Variants in SLC22A24 observed in about 807,000 individuals in gnomAD.
SLC22A24 encodes the protein steroid transmembrane transporter SLC22A24.
A neutral mutation model predicts 49.8 loss-of-function variants in SLC22A24; 53 were observed. That is an observed-to-expected ratio of 1.06 (90% confidence interval 0.85 to 1.34). The LOEUF (loss-of-function observed/expected upper bound fraction) is 1.34, where lower values mean the gene tolerates loss of function less well. SLC22A24 is among the 40% of genes most tolerant of loss of function. SLC22A24 has a pLI of 0.00. For synonymous variants in SLC22A24, 302 were observed against 256.4 expected (o/e 1.18, Z -1.70); for missense variants, 786 against 675.9 (o/e 1.16, Z -1.81).
chr11:63,139,913 GT>G (rs55703293), intron 1 of SLC22A24, among the ~76,000 whole-genome samples: 3,649 of 150,744 alleles, frequency 0.024, 131 homozygotes, highest in African/African-American at 0.082. Context: ...GTATTTATAT[GT>G]TTTTTTTTGT....
chr11:63,083,190 C>A lies in SLC22A24; in HGVS notation c.1285+53G>T, dbSNP rs2086969244. On this transcript the variant is annotated intron_variant, in intron 7 of 9. Coordinates refer to ENST00000612278, the MANE Select transcript of SLC22A24 (RefSeq NM_001136506.2). ...ACCAGGCATAAAAGACCAATGTAAT[C>A]CCTGGAGAATGGGGGTAACTACTTT... 8 of 1,418,992 alleles carry A rather than the reference C, an allele frequency of 5.6e-6. No homozygotes were observed. The South Asian group carries it at 8.7e-5, about 15-fold the overall frequency. 87.9% of individuals were successfully genotyped at this position (1,418,992 alleles called of 1,614,324 possible).
At chr11:63,101,922 G>T (rs117907648) in intron 5 of SLC22A24, among the ~76,000 whole-genome samples, 1 of 152,046 alleles carries the variant, frequency 6.6e-6, no homozygotes, top group Non-Finnish European at 1.5e-5. Flanking sequence ...AGAGTAGAAG[G>T]ATGGTTAGCA....
Position 63,083,260 on chromosome 11 carries a change from T to C in SLC22A24, c.1268A>G (p.Asn423Ser), listed in dbSNP as rs1190739210. The part of the protein sequence containing the change: ...TFPVGLFILV[N>S]TFLPQEMQIL... ...TCTCTCACCTTGGGGCAAAAAGGTG[T>C]TGACCAGAATGAAAAGTCCCACCGG... Residue 423 changes from asparagine to serine, a missense_variant, in exon 7 of 10, where the codon AAC becomes AGC. Transcript: ENST00000612278. The C allele has an allele frequency of 1.1e-5, 17 of 1,556,150 alleles. No homozygotes were observed. Among genetic ancestry groups the C allele is most frequent in the Non-Finnish European group, 1.4e-5 (16 of 1,149,098 alleles).
intron 2 of SLC22A24, among the ~76,000 whole-genome samples, chr11:63,126,170 C>A (rs899443182): frequency 1.8e-4 from 28 of 152,106 alleles, no homozygotes; most frequent in African/African-American, 6.8e-4. Context: ...TTAATTAGAT[C>A]CCATTTGTCT....
intron 6 of SLC22A24, among the ~76,000 whole-genome samples, chr11:63,086,066 A>G (rs2086985393): frequency 6.6e-6 from 1 of 152,196 alleles, no homozygotes. Flanking sequence ...GAGATAAGAG[A>G]ATGCTTATAC....
chr11:63,131,101 G>C (rs71532427), intron 2 of SLC22A24, among the ~76,000 whole-genome samples: 1 of 151,910 alleles, frequency 6.6e-6, no homozygotes, highest in Non-Finnish European at 1.5e-5. Context: ...TGCAACCCCT[G>C]CTTTTTTTTG....
chr11:63,091,980 C>A (rs2087023261), intron 6 of SLC22A24, among the ~76,000 whole-genome samples: 1 of 152,146 alleles, frequency 6.6e-6, no homozygotes, highest in Admixed American at 6.5e-5. Context: ...TTGCAGATGA[C>A]ATGATTGTAT....
intron 1 of SLC22A24, among the ~76,000 whole-genome samples, chr11:63,142,697 C>A (rs1214831119): frequency 6.6e-6 from 1 of 152,126 alleles, no homozygotes; most frequent in Non-Finnish European, 1.5e-5. Context: ...GCTGTCACCA[C>A]CCAGATCGAT....
intron 9 of SLC22A24, among the ~76,000 whole-genome samples, chr11:63,080,382 T>C (rs1178082689): frequency 6.6e-6 from 1 of 152,246 alleles, no homozygotes; most frequent in Admixed American, 6.5e-5. Context: ...TTTGCCTAAA[T>C]CTCAGAGGCA....
At chr11:63,134,590 A>G in intron 2 of SLC22A24, 75 bp downstream of exon 2, 1 of 864,138 alleles carries the variant, frequency 1.2e-6, no homozygotes, top group Non-Finnish European at 1.9e-6. Flanking sequence ...GTAAGAGCTC[A>G]GTAAATATTT....
intron 8 of SLC22A24, among the ~76,000 whole-genome samples, 153 bp downstream of exon 8, chr11:63,081,405 A>G (rs184592041): frequency 2.8e-4 from 42 of 152,364 alleles, no homozygotes; most frequent in Admixed American, 1.1e-3. Context: ...TAATTTGATA[A>G]TAATAGCACA....
chr11:63,117,677 T>C (rs1441812832), intron 4 of SLC22A24, among the ~76,000 whole-genome samples: 1 of 152,212 alleles, frequency 6.6e-6, no homozygotes, highest in Non-Finnish European at 1.5e-5. Flanking sequence ...ACATTTTCTC[T>C]TCCTTACGCT....
intron 6 of SLC22A24, among the ~76,000 whole-genome samples, chr11:63,089,933 T>C (rs986770063): frequency 1.3e-5 from 2 of 151,312 alleles, no homozygotes; most frequent in African/African-American, 4.9e-5. Flanking sequence ...TACAAAAAAT[T>C]AGCCAGGCGT....
intron 2 of SLC22A24, among the ~76,000 whole-genome samples, chr11:63,134,242 G>A (rs186176192): frequency 2.0e-5 from 3 of 152,180 alleles, no homozygotes; most frequent in Admixed American, 2.0e-4. Flanking sequence ...CTCTCACAGG[G>A]TCTAGGTGGT....
At chr11:63,110,857 T>C (rs910862660) in intron 4 of SLC22A24, among the ~76,000 whole-genome samples, 36 of 147,344 alleles carry the variant, frequency 2.4e-4, no homozygotes, top group African/African-American at 8.6e-4. Flanking sequence ...TCCTGCCTAA[T>C]TGCCCTGGCC....
rs771696906 is a variant in SLC22A24 at position 63,094,148 on chromosome 11, G to A, written c.1070+1843C>T. Reference sequence around the variant, plus strand: ...TAATGCTATCCCTCCCCCCTCCCCCGACCCCACAACAGTCCCCAGAGTGTG... The same window carrying A: ...TAATGCTATCCCTCCCCCCTCCCCCAACCCCACAACAGTCCCCAGAGTGTG... On this transcript the variant is annotated intron_variant, in intron 6 of 9. Coordinates refer to ENST00000612278, the MANE Select transcript of SLC22A24 (RefSeq NM_001136506.2). Among the ~76,000 whole-genome samples the A allele has an allele frequency of 2.2e-3, 175 of 79,750 alleles. 2 individuals carry two copies. The highest frequency in any genetic ancestry group is 3.8e-3 in the African/African-American group (73 of 19,384). The allele number at this position is 79,750 out of a possible 152,430, so 52.3% of individuals were successfully genotyped here. A position where few individuals can be genotyped will look rare whatever the true frequency, so the allele number is the denominator to read the frequency against.
At chr11:63,123,069 G>A (rs2087263395) in intron 2 of SLC22A24, among the ~76,000 whole-genome samples, 2 of 152,230 alleles carry the variant, frequency 1.3e-5, no homozygotes, top group East Asian at 1.9e-4. Flanking sequence ...TTTGATTGGA[G>A]GAGGAAGGAG....
At chr11:63,116,574 G>A (rs1264357663) in intron 4 of SLC22A24, among the ~76,000 whole-genome samples, 2 of 152,098 alleles carry the variant, frequency 1.3e-5, no homozygotes, top group African/African-American at 2.4e-5. Context: ...GTCTAGGTAT[G>A]GATCTTTTCA....
At position 63,108,522 on chromosome 11, in the gene SLC22A24, G is replaced by C. The variant is rs536787566; in HGVS notation, c.831-4224C>G. The stretch of plus-strand genomic sequence containing the variant: ...GGAAGGAATGGTATCAGCTCTCTTT[G>C]TACCTCTGGTAGAATTTGACTGTGA... On this transcript the variant is annotated intron_variant, in intron 4 of 9. Transcript: ENST00000612278. 9.1e-4 allele frequency among the ~76,000 whole-genome samples: 138 copies of C among 152,062 alleles called. 2 individuals are homozygous for C. The highest frequency in any genetic ancestry group is 1.3e-3 in the Non-Finnish European group (89 of 68,016).
Sources: allele counts gnomAD v4.1 joint callset (sites outside exome capture counted in the v4.1 genomes callset), GRCh38; gene constraint gnomAD v4.1.1; transcripts MANE v1.5; gene names NCBI Gene and HGNC (gene_info 2026-07-23, HGNC 2026-07-21).